The following GLDC variants were observed in gnomAD, a reference collection of about 807,000 sequenced individuals.
GLDC encodes glycine decarboxylase.
A neutral mutation model predicts 121.3 loss-of-function variants in GLDC; 104 were observed. The observed-to-expected ratio is 0.86, with a 90% confidence interval of 0.73 to 1.01. GLDC has a LOEUF of 1.01. Among genes scored for constraint, GLDC ranks in the 50% least tolerant of loss-of-function variants. The pLI, the probability that GLDC is intolerant of heterozygous loss-of-function variation, is 0.00. For synonymous variants in GLDC, 546 were observed against 480.6 expected (o/e 1.14, Z -1.78); for missense variants, 1,429 against 1,306.6 (o/e 1.09, Z -1.44).
At chr9:6,599,453 C>T (rs550074468) in intron 8 of GLDC, among the ~76,000 whole-genome samples, 3 of 151,608 alleles carry the variant, frequency 2.0e-5, no homozygotes, top group Non-Finnish European at 2.9e-5. Flanking sequence ...CCAGGCATGG[C>T]GGCTTATGCC....
chr9:6,610,527 T>C (rs1049821297), intron 3 of GLDC, among the ~76,000 whole-genome samples, 171 bp from the exon 4 acceptor site: 2 of 152,236 alleles, frequency 1.3e-5, no homozygotes, highest in Non-Finnish European at 2.9e-5. Flanking sequence ...AATTAAATCA[T>C]AGTAACAATA....
At chr9:6,630,174 C>G (rs956474539) in intron 2 of GLDC, among the ~76,000 whole-genome samples, 11 of 151,528 alleles carry the variant, frequency 7.3e-5, no homozygotes, top group African/African-American at 2.7e-4. Flanking sequence ...GAGGCTGAGG[C>G]AGGAGAATGG....
chr9:6,637,897 C>T (rs947589974), intron 2 of GLDC, among the ~76,000 whole-genome samples: 1 of 151,662 alleles, frequency 6.6e-6, no homozygotes, highest in Admixed American at 6.6e-5. Context: ...GGATGTTGCC[C>T]AGGCTGGTCT....
chr9:6,613,781 T>G (rs985707932), intron 3 of GLDC, among the ~76,000 whole-genome samples: 1 of 151,926 alleles, frequency 6.6e-6, no homozygotes, highest in African/African-American at 2.4e-5. Context: ...TTTTTTGGGG[T>G]TTTTATTTTT....
chr9:6,639,593 C>A, intron 2 of GLDC: 2 of 720,264 alleles, frequency 2.8e-6, no homozygotes, highest in Admixed American at 1.8e-5. Flanking sequence ...ATGTTGCCAA[C>A]AAAATTGGGA....
rs566702897 is a variant in GLDC, at chr9:6,619,355, CTTTTTGTCAGTCAGTTGTGAATCAAAAA to C, written c.470+801_470+828del. Among the ~76,000 whole-genome samples, 673 of 151,270 alleles carry C rather than the reference CTTTTTGTCAGTCAGTTGTGAATCAAAAA, an allele frequency of 4.4e-3. 7 individuals are homozygous for C. Among genetic ancestry groups the C allele is most frequent in the African/African-American group, 0.015 (639 of 41,348 alleles). On this transcript the variant is annotated intron_variant, in intron 3 of 24. Coordinates refer to ENST00000321612, the MANE Select transcript of GLDC (RefSeq NM_000170.3). ...GATATTATGATCTCCAACACCATGT[CTTTTTGTCAGTCAGTTGTGAATCAAAAA>C]TTTTGGGGGTGGGAGGGGAAGGGAA...
intron 16 of GLDC, among the ~76,000 whole-genome samples, chr9:6,564,887 A>C (rs759320710): frequency 6.6e-6 from 1 of 152,224 alleles, no homozygotes; most frequent in Non-Finnish European, 1.5e-5. Context: ...GAAGTTGAGA[A>C]TCATCTAATG....
At chr9:6,594,880 G>A (rs752223490) in intron 9 of GLDC, 134 bp downstream of exon 9, 9 of 716,996 alleles carry the variant, frequency 1.3e-5, no homozygotes, top group African/African-American at 5.2e-5. Context: ...AATCATGGAT[G>A]TTGAAAGTAT....
At chr9:6,541,773 G>C (rs561676863) in intron 21 of GLDC, 19 of 121,088 alleles carry the variant, frequency 1.6e-4, no homozygotes, top group African/African-American at 5.5e-4. Flanking sequence ...GTTGCAGTGA[G>C]CCGAGATGGC....
intron 2 of GLDC, among the ~76,000 whole-genome samples, chr9:6,620,942 C>T (rs1819079830): frequency 1.3e-5 from 2 of 152,116 alleles, no homozygotes; most frequent in African/African-American, 2.4e-5. Context: ...CTGAGGTGGG[C>T]GGATCACCTG....
chr9:6,639,516 A>G, intron 2 of GLDC: 2 of 823,532 alleles, frequency 2.4e-6, no homozygotes, highest in Non-Finnish European at 4.2e-6. Context: ...CAAGGGCAAC[A>G]CCCTGATTCG....
At chr9:6,533,187 T>C in intron 24 of GLDC, 27 bp from the exon 25 acceptor site, 5 of 1,611,072 alleles carry the variant, frequency 3.1e-6, no homozygotes, top group Non-Finnish European at 4.2e-6. Context: ...ATGGAAATGC[T>C]GTGAGATGTT....
At chr9:6,565,464 G>C (rs375150349) in intron 15 of GLDC, 35 bp from the exon 16 acceptor site, 7 of 1,513,986 alleles carry the variant, frequency 4.6e-6, no homozygotes, top group Non-Finnish European at 6.4e-6. Flanking sequence ...TCACGGTTAG[G>C]TCTTCTGGCT....
rs386833565 is a variant in GLDC, at chr9:6,540,109, G to T, written c.2607C>A (p.Pro869=). 6.7e-5 allele frequency: 108 copies of T among 1,613,308 alleles called. No homozygotes were observed. In the Middle Eastern group the frequency reaches 8.3e-4, roughly 12 times the overall value. ...VGHEFILDTR[P]FKKSANIEAV... ...CCTCAATATTTGCAGACTTTTTGAA[G>T]GGTCTCGTGTCCAAAATAAATTCAT... is the stretch of plus-strand genomic sequence containing the variant. Residue 869 remains proline, a synonymous_variant, in exon 22 of 25, where the codon CCC becomes CCA. Coordinates refer to ENST00000321612, the MANE Select transcript of GLDC (RefSeq NM_000170.3).
At chr9:6,606,390 C>A (rs28367179) in intron 5 of GLDC, among the ~76,000 whole-genome samples, 2 of 151,632 alleles carry the variant, frequency 1.3e-5, no homozygotes, top group Non-Finnish European at 2.9e-5. Flanking sequence ...TATTTCCCCA[C>A]TCAATTCTGA....
At position 6,600,427 on chromosome 9, in the gene GLDC, A is replaced by C. The variant is rs542382560; in HGVS notation, c.1155+1682T>G. Among the ~76,000 whole-genome samples, 159 of 152,104 alleles carry C rather than the reference A, an allele frequency of 1.0e-3. 2 individuals are homozygous for C. The highest frequency in any genetic ancestry group is 3.7e-3 in the African/African-American group (155 of 41,516). On this transcript the variant is annotated intron_variant, in intron 8 of 24. Transcript: ENST00000321612. Reference sequence around the variant, plus strand: ...TGCCATGGCTCACACCTACAATCCCAAAATTTTGGGAGGCCCAGGCAGGAC... The same window carrying C: ...TGCCATGGCTCACACCTACAATCCCCAAATTTTGGGAGGCCCAGGCAGGAC...
chr9:6,601,442 T>C (rs542141427), intron 8 of GLDC, among the ~76,000 whole-genome samples: 1 of 152,342 alleles, frequency 6.6e-6, no homozygotes, highest in Non-Finnish European at 1.5e-5. Context: ...AGACTGGCCT[T>C]TTTTGTCCTT....
intron 17 of GLDC, among the ~76,000 whole-genome samples, chr9:6,556,576 T>C (rs1468244818): frequency 6.6e-6 from 1 of 152,136 alleles, no homozygotes; most frequent in Non-Finnish European, 1.5e-5. Context: ...GCAGATCACC[T>C]AAGGTCAAGA....
chr9:6,642,875 T>C (rs1819656039), intron 2 of GLDC, among the ~76,000 whole-genome samples: 1 of 151,800 alleles, frequency 6.6e-6, no homozygotes, highest in Non-Finnish European at 1.5e-5. Flanking sequence ...TCAAATGAAT[T>C]AGGATTCTGA....
Sources: allele counts gnomAD v4.1 joint callset (sites outside exome capture counted in the v4.1 genomes callset), GRCh38; gene constraint gnomAD v4.1.1; transcripts MANE v1.5; gene names NCBI Gene and HGNC (gene_info 2026-07-23, HGNC 2026-07-21).